Variants in SPIDR observed in about 807,000 individuals in gnomAD.
The protein encoded by SPIDR is scaffold protein involved in DNA repair, also known as DNA repair-scaffolding protein.
In SPIDR, 93 loss-of-function variants were observed where a neutral mutation model predicts 104.6. The observed-to-expected ratio is 0.89, with a 90% CI of 0.75 to 1.06. The LOEUF is 1.06. Ranked by LOEUF, SPIDR falls within the 50% of genes least tolerant of loss-of-function variation. SPIDR has a pLI of 0.00. For synonymous variants in SPIDR, 431 were observed against 416.9 expected, an observed-to-expected ratio of 1.03 and a Z score of -0.41; for missense variants, 1,154 against 1,111.2, an observed-to-expected ratio of 1.04 and a Z score of -0.55.
chr8:47,520,356 G>C (rs2083875857), intron 8 of SPIDR, among the ~76,000 whole-genome samples: 1 of 152,058 alleles, frequency 6.6e-6, no homozygotes, highest in South Asian at 2.1e-4. Context: ...TTTTGAAACT[G>C]GTATATGTTG....
Position 47,496,549 on chromosome 8 carries a change from A to G in SPIDR, c.1097+56007A>G, listed in dbSNP as rs554792444. On this transcript the variant is annotated intron_variant, in intron 8 of 19. Coordinates refer to ENST00000297423, the MANE Select transcript of SPIDR (RefSeq NM_001080394.4). Reference sequence around the variant, plus strand: ...ATGATTCGTGGTATAAATCTCATTTAGTTGTGGTATATAATCCGTTTTATG... The same window carrying G: ...ATGATTCGTGGTATAAATCTCATTTGGTTGTGGTATATAATCCGTTTTATG... Among the ~76,000 whole-genome samples the G allele has an allele frequency of 3.3e-5, 5 of 152,228 alleles. No individual in the cohort carries two copies. The South Asian group carries it at 1.0e-3, about 32-fold the overall frequency.
At chr8:47,585,229 T>G (rs2060143368) in intron 8 of SPIDR, among the ~76,000 whole-genome samples, 1 of 152,146 alleles carries the variant, frequency 6.6e-6, no homozygotes, top group Non-Finnish European at 1.5e-5. Flanking sequence ...AAATTTTGCA[T>G]AAAGCCAAAA....
chr8:47,701,081 T>C (rs776865271), intron 12 of SPIDR, among the ~76,000 whole-genome samples: 3 of 152,194 alleles, frequency 2.0e-5, no homozygotes, highest in Non-Finnish European at 4.4e-5. Context: ...CTGTCTTCCT[T>C]AGGTTGTGGC....
chr8:47,426,957 G>A (rs1222390257), intron 7 of SPIDR, among the ~76,000 whole-genome samples: 1 of 152,188 alleles, frequency 6.6e-6, no homozygotes, highest in South Asian at 2.1e-4. Flanking sequence ...ATTGAAGTAC[G>A]TTTTGAAGAA....
intron 15 of SPIDR, chr8:47,713,123 C>G (rs993215512): frequency 1.1e-6 from 1 of 945,572 alleles, no homozygotes; most frequent in African/African-American, 1.6e-5. Flanking sequence ...CATACTGCTG[C>G]AGACTCCACA....
intron 10 of SPIDR, among the ~76,000 whole-genome samples, chr8:47,610,346 G>A (rs1040049496): frequency 1.3e-5 from 2 of 152,142 alleles, no homozygotes; most frequent in African/African-American, 4.8e-5. Flanking sequence ...AGAGCCATGG[G>A]AGACAGAGCA....
At chr8:47,396,894 G>A (rs562185870) in intron 6 of SPIDR, among the ~76,000 whole-genome samples, 1 of 152,250 alleles carries the variant, frequency 6.6e-6, no homozygotes, top group East Asian at 1.9e-4. Context: ...TAATTGTTCT[G>A]TTCTTGAGTA....
intron 10 of SPIDR, among the ~76,000 whole-genome samples, chr8:47,619,632 T>C (rs80018198): frequency 0.04 from 5,632 of 142,202 alleles, 145 homozygotes; most frequent in Middle Eastern, 0.064. Flanking sequence ...TTTTTTTTTT[T>C]AAGGGATGGG....
intron 10 of SPIDR, among the ~76,000 whole-genome samples, chr8:47,611,542 CA>C (rs1264471842): frequency 3.2e-4 from 49 of 151,842 alleles, no homozygotes; most frequent in Non-Finnish European, 5.7e-4. Context: ...ACTAAAAATA[CA>C]AAAAATTAGC....
At chr8:47,272,007 C>G (rs2035430701) in intron 1 of SPIDR, among the ~76,000 whole-genome samples, 1 of 152,026 alleles carries the variant, frequency 6.6e-6, no homozygotes, top group Non-Finnish European at 1.5e-5. Flanking sequence ...TGGAGTCTCT[C>G]TCTGTTGCTC....
At chr8:47,551,080 T>A (rs1049919191) in intron 8 of SPIDR, among the ~76,000 whole-genome samples, 1 of 152,220 alleles carries the variant, frequency 6.6e-6, no homozygotes, top group Non-Finnish European at 1.5e-5. Context: ...ATTTATTGAT[T>A]TGCGTATGTT....
chr8:47,527,271 G>A (rs2085161069), intron 8 of SPIDR: 1 of 152,084 alleles, frequency 6.6e-6, no homozygotes, highest in South Asian at 2.1e-4. Context: ...TAACTTGGGG[G>A]GAAGGAAAAA....
intron 8 of SPIDR, among the ~76,000 whole-genome samples, chr8:47,567,780 C>CTTTTTTTT (rs35199139): frequency 1.7e-4 from 12 of 71,020 alleles, no homozygotes; most frequent in Middle Eastern, 0.012. Context: ...TTTTCTTTTT[C>CTTTTTTTT]TTTTTTTTTT....
intron 7 of SPIDR, among the ~76,000 whole-genome samples, chr8:47,431,119 C>T (rs2067287224): frequency 6.6e-6 from 1 of 152,180 alleles, no homozygotes; most frequent in Non-Finnish European, 1.5e-5. Flanking sequence ...TGGTGGAGTC[C>T]TGGTGAGAGC....
intron 6 of SPIDR, among the ~76,000 whole-genome samples, chr8:47,402,409 C>T (rs1554663845): frequency 6.6e-6 from 1 of 152,110 alleles, no homozygotes; most frequent in Non-Finnish European, 1.5e-5. Flanking sequence ...TCAGTGAATC[C>T]AGGAGCTGGT....
At chr8:47,271,957 C>T (rs886728723) in intron 1 of SPIDR, among the ~76,000 whole-genome samples, 8 of 152,066 alleles carry the variant, frequency 5.3e-5, no homozygotes, top group Non-Finnish European at 1.0e-4. Context: ...GGCACCACCA[C>T]GCTGGGCTAA....
At chr8:47,262,498 CAAAT>C (rs1484669138) in intron 1 of SPIDR, among the ~76,000 whole-genome samples, 1 of 152,174 alleles carries the variant, frequency 6.6e-6, no homozygotes, top group African/African-American at 2.4e-5. Context: ...AGGCTGCAGT[CAAAT>C]AAAGGGTCGT....
intron 16 of SPIDR, among the ~76,000 whole-genome samples, chr8:47,717,778 A>AT (rs1487634794): frequency 3.9e-5 from 6 of 152,216 alleles, no homozygotes; most frequent in African/African-American, 1.2e-4. Context: ...TAATGTAATC[A>AT]ATAGGCAGTT....
At chr8:47,459,949 G>A (rs533966080) in intron 8 of SPIDR, among the ~76,000 whole-genome samples, 25 of 152,184 alleles carry the variant, frequency 1.6e-4, no homozygotes, top group African/African-American at 5.5e-4. Flanking sequence ...TGGTTTTGAA[G>A]GTTCCTTTTG....
Sources: allele counts gnomAD v4.1 joint callset (sites outside exome capture counted in the v4.1 genomes callset), GRCh38; gene constraint gnomAD v4.1.1; transcripts MANE v1.5; gene names NCBI Gene and HGNC (gene_info 2026-07-23, HGNC 2026-07-21).